The following OSBP2 variants were observed in gnomAD, a reference collection of about 807,000 sequenced individuals.
OSBP2 encodes the protein oxysterol-binding protein 2.
In OSBP2, 66 loss-of-function variants were observed where a neutral mutation model predicts 96.0. That is an observed-to-expected ratio of 0.69 (90% CI 0.56 to 0.84). The LOEUF (loss-of-function observed/expected upper bound fraction) is 0.84, where lower values mean the gene tolerates loss of function less well. Ranked by LOEUF, OSBP2 falls within the 40% of genes least tolerant of loss-of-function variation. The pLI is 0.00. For missense variants in OSBP2, 1,038 were observed against 1,222.7 expected (o/e 0.85, Z 2.25); for synonymous variants, 525 against 520.9 (o/e 1.01, Z -0.11).
chr22:30,902,166 G>T, intron 12 of OSBP2: 1 of 524,650 alleles, frequency 1.9e-6, no homozygotes, highest in Non-Finnish European at 3.3e-6. Context: ...AGGGTCCCAC[G>T]GCAGTACTGG....
intron 2 of OSBP2, among the ~76,000 whole-genome samples, chr22:30,749,854 C>G (rs1050791684): frequency 6.6e-6 from 1 of 152,014 alleles, no homozygotes; most frequent in African/African-American, 2.4e-5. Context: ...GTGATCTGCC[C>G]ACCTCAGCCT....
intron 3 of OSBP2, among the ~76,000 whole-genome samples, chr22:30,875,023 C>T (rs910155826): frequency 6.6e-6 from 1 of 152,198 alleles, no homozygotes; most frequent in African/African-American, 2.4e-5. Flanking sequence ...CGTGGGAGTG[C>T]CAGTGAGTGA....
intron 2 of OSBP2, among the ~76,000 whole-genome samples, chr22:30,808,525 A>T (rs1258587572): frequency 6.6e-6 from 1 of 152,056 alleles, no homozygotes; most frequent in African/African-American, 2.4e-5. Flanking sequence ...AACAAAAGAT[A>T]TGTTGAAATC....
At chr22:30,763,037 C>T (rs2090226203) in intron 2 of OSBP2, among the ~76,000 whole-genome samples, 1 of 152,198 alleles carries the variant, frequency 6.6e-6, no homozygotes, top group Non-Finnish European at 1.5e-5. Context: ...ACTGTGTGAC[C>T]TTGGACAAGT....
chr22:30,832,169 G>T (rs1293204566), intron 2 of OSBP2, among the ~76,000 whole-genome samples: 1 of 151,956 alleles, frequency 6.6e-6, no homozygotes, highest in African/African-American at 2.4e-5. Flanking sequence ...TTCTGCCCTT[G>T]CCCCCTTCTT....
chr22:30,761,139 AG>A (rs1370475185), intron 2 of OSBP2, among the ~76,000 whole-genome samples: 1 of 152,184 alleles, frequency 6.6e-6, no homozygotes, highest in Admixed American at 6.5e-5. Context: ...AAGAAGTCAA[AG>A]GCACTCAGAT....
rs762573249 is a variant in OSBP2 at position 30,695,138 on chromosome 22, G to A, written c.229G>A (p.Val77Met). Residue 77 changes from valine to methionine, a missense_variant, in exon 1 of 14, where the codon GTG becomes ATG. Around this residue, in one of 3 missense-constraint regions of OSBP2, gnomAD observed 281 missense variants for 273.4 expected, o/e 1.03. Transcript: ENST00000332585. Reference sequence around the variant, plus strand: ...GGTGTCGGAGGCAGTTTCGGAGGCAGTGCCAAGATCGGAACCTGTGTCCGA... The same window carrying A: ...GGTGTCGGAGGCAGTTTCGGAGGCAATGCCAAGATCGGAACCTGTGTCCGA... ...EQVSEAVSEA[V>M]PRSEPVSETT... 3.1e-6 allele frequency: 5 copies of A among 1,603,914 alleles called. No individual in the cohort carries two copies. In the South Asian group the frequency reaches 3.3e-5, roughly 11 times the overall value.
chr22:30,764,508 T>C, intron 2 of OSBP2: 4 of 536,928 alleles, frequency 7.4e-6, no homozygotes, highest in Non-Finnish European at 9.5e-6. Context: ...TCGGGAACCC[T>C]GCTGCCTGTG....
chr22:30,884,654 G>A (rs1052491991), intron 3 of OSBP2, among the ~76,000 whole-genome samples: 4 of 152,110 alleles, frequency 2.6e-5, no homozygotes, highest in Non-Finnish European at 2.9e-5. Context: ...CCTTTCCACC[G>A]AGCCAGGCCA....
At chr22:30,801,444 G>T (rs1390924819) in intron 2 of OSBP2, among the ~76,000 whole-genome samples, 1 of 152,130 alleles carries the variant, frequency 6.6e-6, no homozygotes, top group Non-Finnish European at 1.5e-5. Flanking sequence ...GCCCACTCCT[G>T]TTCCACCTAT....
chr22:30,699,660 A>C (rs1371868463), intron 1 of OSBP2, among the ~76,000 whole-genome samples: 1 of 152,160 alleles, frequency 6.6e-6, no homozygotes, highest in Non-Finnish European at 1.5e-5. Context: ...TTTTTACCTT[A>C]ATAGCAGAAG....
intron 2 of OSBP2, among the ~76,000 whole-genome samples, chr22:30,839,655 T>A (rs2038707207): frequency 6.6e-6 from 1 of 152,000 alleles, no homozygotes; most frequent in African/African-American, 2.4e-5. Flanking sequence ...TTTTGAGAAG[T>A]GTCTGTTCAT....
At chr22:30,830,479 C>G (rs2038498054) in intron 2 of OSBP2, among the ~76,000 whole-genome samples, 1 of 152,236 alleles carries the variant, frequency 6.6e-6, no homozygotes, top group Non-Finnish European at 1.5e-5. Context: ...AAGTGTCTTT[C>G]CTGGTCAGGC....
intron 2 of OSBP2, among the ~76,000 whole-genome samples, chr22:30,767,013 A>T (rs1290493103): frequency 2.0e-5 from 3 of 150,936 alleles, no homozygotes; most frequent in African/African-American, 7.3e-5. Flanking sequence ...GCAGGTAAAA[A>T]CCTCAGAACA....
Position 30,902,191 on chromosome 22 carries a change from G to A in OSBP2, c.2376-3646G>A, listed in dbSNP as rs2040227512. 4 of 971,376 alleles carry A rather than the reference G, an allele frequency of 4.1e-6. No individual in the cohort carries two copies. In the South Asian group the frequency reaches 5.0e-5, roughly 12 times the overall value. 60.2% of individuals were successfully genotyped at this position (971,376 alleles called of 1,614,324 possible). A position where few individuals can be genotyped will look rare whatever the true frequency, so the allele number is the denominator to read the frequency against. Reference sequence around the variant, plus strand: ...GGCAGTACTGGTGGCCATGGTTCCCGTAGCCAGAAGGAGTCGCTCACAGAG... The same window carrying A: ...GGCAGTACTGGTGGCCATGGTTCCCATAGCCAGAAGGAGTCGCTCACAGAG... On this transcript the variant is annotated intron_variant, in intron 12 of 13. Coordinates refer to ENST00000332585, the MANE Select transcript of OSBP2 (RefSeq NM_030758.4).
intron 2 of OSBP2, among the ~76,000 whole-genome samples, chr22:30,788,490 G>C (rs2090627997): frequency 6.6e-6 from 1 of 152,094 alleles, no homozygotes; most frequent in African/African-American, 2.4e-5. Context: ...ACCAGCCAAG[G>C]CCTCTCATAT....
At chr22:30,742,710 G>A (rs2089955671) in intron 2 of OSBP2, among the ~76,000 whole-genome samples, 1 of 152,198 alleles carries the variant, frequency 6.6e-6, no homozygotes, top group Non-Finnish European at 1.5e-5. Context: ...TTGTATGGGT[G>A]GACCATAGTT....
At chr22:30,896,205 A>C (rs970912019) in intron 12 of OSBP2, among the ~76,000 whole-genome samples, 2 of 151,974 alleles carry the variant, frequency 1.3e-5, no homozygotes, top group Admixed American at 6.6e-5. Context: ...TTTTTAGTAA[A>C]GACGGGGTTT....
chr22:30,790,414 T>C (rs1281903456), intron 2 of OSBP2, among the ~76,000 whole-genome samples: 3 of 151,946 alleles, frequency 2.0e-5, no homozygotes. Flanking sequence ...CCGTGATGGA[T>C]TTGGAGGGGC....
Sources: gnomAD v4.1 joint callset for allele counts (sites outside exome capture counted in the v4.1 genomes callset) on GRCh38, gnomAD v4.1.1 for gene constraint, gnomAD v4.1.1 regional missense constraint, MANE v1.5 for transcripts, NCBI Gene and HGNC (gene_info 2026-07-23, HGNC 2026-07-21) for gene names.